WLS: variants seen among roughly 807,000 people sequenced by gnomAD.
WLS encodes the protein protein wntless homolog.
Under a neutral mutation model 62.8 loss-of-function variants are expected in WLS, and 23 were observed. That is an observed-to-expected ratio of 0.37 (90% CI 0.26 to 0.52). WLS has a LOEUF of 0.52. Ranked by LOEUF, WLS falls within the 20% of genes least tolerant of loss-of-function variation. WLS has a pLI of 0.92. For synonymous variants in WLS, 246 were observed against 244.1 expected (o/e 1.01, Z -0.07); for missense variants, 615 against 697.3 (o/e 0.88, Z 1.33).
At chr1:68,160,178 T>C (rs1646954054) in intron 2 of WLS, among the ~76,000 whole-genome samples, 1 of 150,482 alleles carries the variant, frequency 6.6e-6, no homozygotes, top group Admixed American at 6.7e-5. Flanking sequence ...TTTGGAACAC[T>C]TCTTTGTAAA....
chr1:68,139,359 T>C (rs940363656), intron 10 of WLS, among the ~76,000 whole-genome samples: 1 of 152,202 alleles, frequency 6.6e-6, no homozygotes. Context: ...ATACTAACTT[T>C]ATAAAAACTA....
In WLS at chr1:68,211,913, C is replaced by T. The variant is rs758829766; in HGVS notation, c.107-17686G>A. ...TGCATCTGGGAAATTTTTAACCCCT[C>T]GATTAGCCATTGCACAGTTGGCTTA... On this transcript the variant is annotated intron_variant, in intron 1 of 11. Transcript: ENST00000262348. Among the ~76,000 whole-genome samples the T allele has an allele frequency of 4.3e-4, 65 of 152,208 alleles. No homozygotes were observed. In the Middle Eastern group the frequency reaches 0.014, roughly 32 times the overall value.
intron 1 of WLS, among the ~76,000 whole-genome samples, chr1:68,207,388 GA>G (rs1177026687): frequency 6.6e-6 from 1 of 152,160 alleles, no homozygotes; most frequent in East Asian, 1.9e-4. Flanking sequence ...TTATTCAGAA[GA>G]AATGAAAGTC....
intron 1 of WLS, among the ~76,000 whole-genome samples, chr1:68,208,942 C>G (rs1374276836): frequency 6.6e-6 from 1 of 152,126 alleles, no homozygotes; most frequent in East Asian, 1.9e-4. Flanking sequence ...AGAGCTATAC[C>G]TACCAATTTC....
intron 1 of WLS, among the ~76,000 whole-genome samples, chr1:68,229,296 CCTTCCTAAGTTGCT>C (rs1293372665): frequency 6.6e-6 from 1 of 152,076 alleles, no homozygotes; most frequent in African/African-American, 2.4e-5. Context: ...TATATTCTCC[CCTTCCTAAGTTGCT>C]CTTCCTAAGT....
intron 2 of WLS, among the ~76,000 whole-genome samples, chr1:68,160,069 G>GTTTTTT (rs1452774487): frequency 1.5e-5 from 1 of 65,360 alleles, no homozygotes; most frequent in African/African-American, 5.8e-5. Flanking sequence ...GAGCAGAGAA[G>GTTTTTT]TCTTTTTTTT....
At chr1:68,101,562 G>T (rs1463365026) in intron 11 of WLS, among the ~76,000 whole-genome samples, 7 of 152,154 alleles carry the variant, frequency 4.6e-5, no homozygotes, top group African/African-American at 1.7e-4. Context: ...ACTCACTCTA[G>T]TGTGTTCCTG....
At position 68,180,677 on chromosome 1, in the gene WLS, C is replaced by G. The variant is rs547180627; in HGVS notation, c.379+13278G>C. Among the ~76,000 whole-genome samples, 328 of 152,278 alleles carry G rather than the reference C, an allele frequency of 2.2e-3. 2 individuals are homozygous for G. Among genetic ancestry groups the G allele is most frequent in the African/African-American group, 7.6e-3 (317 of 41,552 alleles). On this transcript the variant is annotated intron_variant, in intron 2 of 11. Transcript: ENST00000262348. Reference sequence around the variant, plus strand: ...ATAAATAGCATGGGCTCCCAGAGCTCAGGGCCTTCACAGCCTCTGTACACT... The same window carrying G: ...ATAAATAGCATGGGCTCCCAGAGCTGAGGGCCTTCACAGCCTCTGTACACT...
chr1:68,201,045 A>C (rs1648985799), intron 1 of WLS, among the ~76,000 whole-genome samples: 2 of 152,232 alleles, frequency 1.3e-5, no homozygotes, highest in South Asian at 2.1e-4. Context: ...AGCTAAGTTT[A>C]GAAATTAGCT....
At chr1:68,120,079 C>T (rs184327686) in intron 11 of WLS, among the ~76,000 whole-genome samples, 1 of 152,298 alleles carries the variant, frequency 6.6e-6, no homozygotes, top group Admixed American at 6.5e-5. Context: ...GCACATGGCT[C>T]ACAGCAGATC....
downstream of WLS, chr1:68,125,336 GA>G (rs1324397289): frequency 6.1e-6 from 6 of 985,284 alleles, no homozygotes; most frequent in African/African-American, 1.7e-5. Context: ...GTTCAACCTG[GA>G]AAATAATCTG....
intron 1 of WLS, among the ~76,000 whole-genome samples, chr1:68,195,409 C>T (rs185008253): frequency 7.2e-5 from 11 of 152,138 alleles, no homozygotes; most frequent in Non-Finnish European, 1.0e-4. Context: ...ATATTTTAAA[C>T]AAGTTAACAT....
chr1:68,159,000 G>T, intron 3 of WLS, 123 bp downstream of exon 3: 1 of 1,292,092 alleles, frequency 7.7e-7, no homozygotes, highest in Non-Finnish European at 1.1e-6. Flanking sequence ...ATGCTCCGCA[G>T]AGCAGGTATT....
chr1:68,192,682 A>G (rs546815868), intron 2 of WLS, among the ~76,000 whole-genome samples: 79 of 148,852 alleles, frequency 5.3e-4, no homozygotes, highest in Non-Finnish European at 2.2e-4. Context: ...GAGTTCGAGG[A>G]TGCAGTGAGC....
intron 2 of WLS, among the ~76,000 whole-genome samples, chr1:68,165,976 G>T (rs958063024): frequency 6.6e-6 from 1 of 152,176 alleles, no homozygotes; most frequent in Non-Finnish European, 1.5e-5. Flanking sequence ...GGCTAGATAG[G>T]ATTGCTTCCT....
At chr1:68,174,427 C>A (rs1385695544) in intron 2 of WLS, among the ~76,000 whole-genome samples, 1 of 152,154 alleles carries the variant, frequency 6.6e-6, no homozygotes, top group East Asian at 1.9e-4. Flanking sequence ...TCGAGTTGGG[C>A]TCCAGGAGAC....
chr1:68,144,387 G>A lies in WLS; in HGVS notation c.1362+182C>T, dbSNP rs571333225. Among the ~76,000 whole-genome samples the A allele has an allele frequency of 2.0e-5, 3 of 152,204 alleles. 1 individual carries two copies. The South Asian group carries it at 6.2e-4, about 32-fold the overall frequency. ...ACTTTTATCTCCTACAAGGTTTTAC[G>A]GAAAGAGAAAATTTAGTCCATTTGG... On this transcript the variant is annotated intron_variant, in intron 10 of 11. Transcript: ENST00000262348.
intron 10 of WLS, chr1:68,138,140 A>C (rs1367763057): frequency 1.6e-6 from 1 of 610,520 alleles, no homozygotes; most frequent in Non-Finnish European, 2.8e-6. Context: ...TGTCAGGCAC[A>C]GTCAGTGGTC....
intron 1 of WLS, among the ~76,000 whole-genome samples, chr1:68,197,057 T>G (rs1648705133): frequency 6.6e-6 from 1 of 152,158 alleles, no homozygotes; most frequent in Non-Finnish European, 1.5e-5. Context: ...AAAACTTCTA[T>G]TCTTCCAAAA....
Sources: allele counts gnomAD v4.1 joint callset (sites outside exome capture counted in the v4.1 genomes callset), GRCh38; gene constraint gnomAD v4.1.1; transcripts MANE v1.5; gene names NCBI Gene and HGNC (gene_info 2026-07-23, HGNC 2026-07-21).